The following MUC22 variants were observed in gnomAD, a reference collection of about 807,000 sequenced individuals.
MUC22 encodes the protein mucin 22, also known as mucin-22.
In MUC22, 24 loss-of-function variants were observed where a neutral mutation model predicts 40.3. The ratio of observed to expected loss-of-function variants is 0.60; its 90% confidence interval spans 0.43 to 0.84. MUC22 has a LOEUF of 0.84. Among genes scored for constraint, MUC22 ranks in the 40% least tolerant of loss-of-function variants. The pLI, the probability that MUC22 is intolerant of heterozygous loss-of-function variation, is 0.00. For missense variants in MUC22, 1,926 were observed against 2,130.7 expected (o/e 0.90, Z 1.89); for synonymous variants, 765 against 844.5 (o/e 0.91, Z 1.63).
At chr6:31,021,286 T>G (rs938238779) in intron 1 of MUC22, among the ~76,000 whole-genome samples, 1 of 152,204 alleles carries the variant, frequency 6.6e-6, no homozygotes, top group East Asian at 1.9e-4. Context: ...AGTACACCAA[T>G]GGACACTCTG....
chr6:31,034,629 G>C, intron 3 of MUC22, 43 bp from the exon 4 acceptor site: 1 of 1,478,772 alleles, frequency 6.8e-7, no homozygotes, highest in Non-Finnish European at 9.0e-7. Flanking sequence ...AGGGAGAGGA[G>C]ACTTAATTTT....
At position 31,032,265 on chromosome 6, in the gene MUC22, C is replaced by T. The variant is rs751788476; in HGVS notation, c.4739C>T (p.Thr1580Met). 185 of 1,535,652 alleles carry T rather than the reference C, an allele frequency of 1.2e-4. 1 individual carries two copies. The Admixed American group carries it at 3.3e-3, about 27-fold the overall frequency. The change falls in exon 3 of 4, where the codon ACG becomes ATG. Residue 1580 changes from threonine (T) to methionine (M), a missense_variant. Physicochemically the swap from Thr to Met is moderately conservative, Grantham distance 81. Coordinates refer to ENST00000561890, the Ensembl canonical transcript of MUC22. This position sits in a 1 kb window ranked among gnomAD's most constrained non-coding sequence, Gnocchi z 4.1. ...ACCATGGCCCCTGGAATGGACTTCA[C>T]GGCCTCTGCTGCCAGCCATACTGTG... is the stretch of plus-strand genomic sequence containing the variant.
At position 31,032,502 on chromosome 6, in the gene MUC22, A is replaced by G. The variant is rs1766140786; in HGVS notation, c.4976A>G (p.Gln1659Arg). 12 of 1,535,738 alleles carry G rather than the reference A, an allele frequency of 7.8e-6. No individual in the cohort carries two copies. In the East Asian group the frequency reaches 2.9e-4, roughly 38 times the overall value. Residue 1659 changes from glutamine to arginine, a missense_variant, in exon 3 of 4, where the codon CAG becomes CGG. Physicochemically the swap from Gln to Arg is conservative, Grantham distance 43 (BLOSUM62 1). Transcript: ENST00000561890. This position sits in a 1 kb window ranked among gnomAD's most constrained non-coding sequence, Gnocchi z 4.1. ...GTGATCAAACCAAGTGGATATTTAC[A>G]GCCCTGGGCTATCATCCTCATTTCC... is the stretch of plus-strand genomic sequence containing the variant.
intron 1 of MUC22, among the ~76,000 whole-genome samples, chr6:31,022,584 AAG>A (rs909164847): frequency 6.6e-5 from 10 of 152,242 alleles, no homozygotes; most frequent in African/African-American, 1.9e-4. Context: ...TAAATTTTAA[AAG>A]ATAATATACT....
exon 2 of MUC22, chr6:31,027,169 G>A (rs1291361491): frequency 6.7e-6 from 10 of 1,483,754 alleles, no homozygotes; most frequent in African/African-American, 5.8e-5. Context: ...CACAGTCTTT[G>A]CTGCAGGCTC....
At chr6:31,027,671 C>T in exon 2 of MUC22, 1 of 1,531,424 alleles carries the variant, frequency 6.5e-7, no homozygotes, top group African/African-American at 1.4e-5. Flanking sequence ...GAGACCACCA[C>T]AGTCTTTACC....
At position 31,032,489 on chromosome 6, in the gene MUC22, A is replaced by T. The variant is rs1452731591; in HGVS notation, c.4963A>T (p.Ser1655Cys). 1 of 1,535,568 alleles carries T rather than the reference A, an allele frequency of 6.5e-7. No individual in the cohort carries two copies. Among genetic ancestry groups the T allele is most frequent in the Non-Finnish European group, 8.7e-7 (1 of 1,146,908 alleles). Reference sequence around the variant, plus strand: ...CACACCCACAAACGTGATCAAACCAAGTGGATATTTACAGCCCTGGGCTAT... The same window carrying T: ...CACACCCACAAACGTGATCAAACCATGTGGATATTTACAGCCCTGGGCTAT... The change falls in exon 3 of 4, where the codon AGT becomes TGT. Residue 1655 changes from serine (S) to cysteine (C), a missense_variant. Physicochemically the swap from Ser to Cys is moderately radical, Grantham distance 112. This residue lies in a region of MUC22 where 610 missense variants were observed against 714.6 expected (regional missense o/e 0.85). Transcript: ENST00000561890. This position sits in a 1 kb window ranked among gnomAD's most constrained non-coding sequence, Gnocchi z 4.1.
chr6:31,011,647 A>G lies in MUC22; in HGVS notation c.70+871A>G, dbSNP rs1378336031. Among the ~76,000 whole-genome samples the G allele has an allele frequency of 2.6e-5, 4 of 152,168 alleles. No individual in the cohort carries two copies. In the East Asian group the frequency reaches 7.7e-4, roughly 29 times the overall value. Reference sequence around the variant, plus strand: ...AATTGTGAATTGTGCTGCTATAAACATGTGTGTGCAAGTGTCTTTTTTGTA... The same window carrying G: ...AATTGTGAATTGTGCTGCTATAAACGTGTGTGTGCAAGTGTCTTTTTTGTA... On this transcript the variant is annotated intron_variant, in intron 1 of 3. Coordinates refer to ENST00000561890, the Ensembl canonical transcript of MUC22. The surrounding 1 kb of genome is among the most constrained non-coding windows in gnomAD (Gnocchi z 4.5).
At chr6:31,020,241 A>T (rs1764572107) in intron 1 of MUC22, among the ~76,000 whole-genome samples, 1 of 147,698 alleles carries the variant, frequency 6.8e-6, no homozygotes, top group Non-Finnish European at 1.5e-5. Context: ...TATAGAGAGG[A>T]GCAAAGACAA....
chr6:31,028,544 C>T, exon 2 of MUC22: 1 of 1,533,042 alleles, frequency 6.5e-7, no homozygotes, highest in South Asian at 1.2e-5. Context: ...ACTATGGCCT[C>T]TACCATAGGC....
chr6:31,021,861 G>GC, intron 1 of MUC22, among the ~76,000 whole-genome samples: 2 of 152,002 alleles, frequency 1.3e-5, no homozygotes, highest in Non-Finnish European at 2.9e-5. Context: ...TTTCCACACT[G>GC]TGGAAACTTT....
chr6:31,023,148 A>G (rs1250411303), intron 1 of MUC22, among the ~76,000 whole-genome samples: 2 of 145,590 alleles, frequency 1.4e-5, no homozygotes, highest in Admixed American at 6.9e-5. Flanking sequence ...AAAACAAAAA[A>G]CAAAATACTG....
chr6:31,021,130 C>T (rs1455581848), intron 1 of MUC22, among the ~76,000 whole-genome samples: 3 of 152,264 alleles, frequency 2.0e-5, no homozygotes, highest in South Asian at 2.1e-4. Flanking sequence ...GACTGGCAGG[C>T]AGCTCCACCT....
At chr6:31,034,865 G>A in exon 4 of MUC22, 1 of 1,535,560 alleles carries the variant, frequency 6.5e-7, no homozygotes, top group Admixed American at 2.0e-5. Flanking sequence ...GTGGGCCATG[G>A]ACTGAGCCAC....
At chr6:31,025,624 ATCACCACAGACT>A (rs1271816215) in exon 2 of MUC22, 1 of 1,523,050 alleles carries the variant, frequency 6.6e-7, no homozygotes, top group Non-Finnish European at 8.8e-7. Context: ...AGGCTCTAAG[ATCACCACAGACT>A]CTACCACAGG....
At chr6:31,014,559 G>C (rs1764068973) in intron 1 of MUC22, among the ~76,000 whole-genome samples, 1 of 152,154 alleles carries the variant, frequency 6.6e-6, no homozygotes, top group Non-Finnish European at 1.5e-5. Flanking sequence ...AGCTTCCTGA[G>C]AGAGAGAGTT....
intron 1 of MUC22, among the ~76,000 whole-genome samples, chr6:31,020,733 A>G: frequency 6.6e-6 from 1 of 152,118 alleles, no homozygotes. Flanking sequence ...GAGAGGTGCG[A>G]GCGGGAACCG....
chr6:31,027,851 C>T (rs1765575460), exon 2 of MUC22: 2 of 1,534,540 alleles, frequency 1.3e-6, no homozygotes, highest in African/African-American at 1.4e-5. Context: ...GAGACCACCA[C>T]CACTTCCACT....
chr6:31,028,007 C>T (rs960372529), exon 2 of MUC22: 17 of 1,533,100 alleles, frequency 1.1e-5, no homozygotes, highest in Non-Finnish European at 1.4e-5. Context: ...ACCACAGCAT[C>T]TACTGCAGAT....
Sources: gnomAD v4.1 joint callset for allele counts (sites outside exome capture counted in the v4.1 genomes callset) on GRCh38, gnomAD v4.1.1 for gene constraint, gnomAD v4.1.1 regional missense constraint, Gnocchi (gnomAD v3.1) non-coding constraint, MANE v1.5 for transcripts, NCBI Gene and HGNC (gene_info 2026-07-23, HGNC 2026-07-21) for gene names.